Variants in ANKRD44 observed in about 807,000 individuals in gnomAD.
The protein encoded by ANKRD44 is ankyrin repeat domain 44, also known as serine/threonine-protein phosphatase 6 regulatory ankyrin repeat subunit B.
ANKRD44 carries 35 observed loss-of-function variants against 116.0 expected under a neutral mutation model. The observed-to-expected ratio is 0.30, with a 90% confidence interval of 0.23 to 0.40. The LOEUF (loss-of-function observed/expected upper bound fraction) is 0.40, where lower values mean the gene tolerates loss of function less well. ANKRD44 is among the 10% of genes least tolerant of loss of function. The pLI is 1.00. For missense variants in ANKRD44, 1,014 were observed against 1,242.6 expected, an observed-to-expected ratio of 0.82 and a Z score of 2.77; for synonymous variants, 435 against 461.8, an observed-to-expected ratio of 0.94 and a Z score of 0.74.
intron 16 of ANKRD44, among the ~76,000 whole-genome samples, chr2:197,063,463 G>C (rs1207484969): frequency 6.6e-6 from 1 of 152,226 alleles, no homozygotes; most frequent in African/African-American, 2.4e-5. Context: ...GAACGACTTT[G>C]ACGAGTTGAG....
chr2:197,208,706 A>G (rs957932046), intron 1 of ANKRD44, among the ~76,000 whole-genome samples: 1 of 152,146 alleles, frequency 6.6e-6, no homozygotes, highest in African/African-American at 2.4e-5. Context: ...AGGCTGAGGC[A>G]GGAGAATGGT....
intron 3 of ANKRD44, among the ~76,000 whole-genome samples, chr2:197,145,292 A>AAAT (rs2079470468): frequency 6.7e-6 from 1 of 148,932 alleles, no homozygotes; most frequent in Non-Finnish European, 1.5e-5. Flanking sequence ...CTCCGTCTCA[A>AAAT]AAATAAATAA....
intron 16 of ANKRD44, among the ~76,000 whole-genome samples, chr2:197,068,378 A>AT (rs2077482031): frequency 2.3e-5 from 1 of 44,220 alleles, no homozygotes; most frequent in Non-Finnish European, 1.0e-4. Flanking sequence ...AATAAAAAAA[A>AT]GAAAAAAATA....
At chr2:197,125,165 C>T (rs963490685) in intron 6 of ANKRD44, among the ~76,000 whole-genome samples, 2 of 152,252 alleles carry the variant, frequency 1.3e-5, no homozygotes, top group Non-Finnish European at 2.9e-5. Context: ...ATGATTCATT[C>T]CTCCTCTTCT....
chr2:196,998,282 TA>T, intron 25 of ANKRD44, 54 bp downstream of exon 25: 2 of 1,305,900 alleles, frequency 1.5e-6, no homozygotes, highest in Non-Finnish European at 2.2e-6. Context: ...TCAGTGTTAT[TA>T]TTACTGTTAT....
At chr2:197,234,381 G>C (rs2081934613) in intron 1 of ANKRD44, among the ~76,000 whole-genome samples, 1 of 152,046 alleles carries the variant, frequency 6.6e-6, no homozygotes, top group African/African-American at 2.4e-5. Flanking sequence ...TTGTAGAGAT[G>C]AGGTTTTGCC....
Position 196,998,949 on chromosome 2 carries a change from C to A in ANKRD44, c.2623G>T (p.Ala875Ser). The A allele has an allele frequency of 1.2e-6, 2 of 1,614,226 alleles. No individual in the cohort carries two copies. Among genetic ancestry groups the A allele is most frequent in the Non-Finnish European group, 1.7e-6 (2 of 1,180,030 alleles). The change falls in exon 24 of 28, where the codon GCA becomes TCA. Residue 875 changes from alanine (A) to serine (S), a missense_variant. Ala to Ser is a moderately conservative substitution (Grantham distance 99). Coordinates refer to ENST00000282272, the MANE Select transcript of ANKRD44 (RefSeq NM_001195144.2). ...CCATTCTCAGCAGCCATCATCAGTGCTGTTTTCCCTGAATTATCTACTGCG... is the reference window on the plus strand; with the variant it reads ...CCATTCTCAGCAGCCATCATCAGTGATGTTTTCCCTGAATTATCTACTGCG... Reference protein sequence around the residue: ...VNAVDNSGKTALMMAAENGQA... With the variant: ...VNAVDNSGKTSLMMAAENGQA...
Position 196,988,618 on chromosome 2 carries a change from A to G in ANKRD44, c.*973T>C, listed in dbSNP as rs77773923. 9.1e-4 allele frequency: 893 copies of G among 984,910 alleles called. 7 individuals are homozygous for G. The East Asian group carries it at 0.036, about 40-fold the overall frequency. 61.0% of individuals were successfully genotyped at this position (984,910 alleles called of 1,614,324 possible). ...ATACAGTTATCTGTCTTTGATCCAGATATGATAGAACATTATTTTTGAAAT... is the reference window on the plus strand; with the variant it reads ...ATACAGTTATCTGTCTTTGATCCAGGTATGATAGAACATTATTTTTGAAAT... On this transcript the variant is annotated 3_prime_UTR_variant, in exon 28 of 28. Transcript: ENST00000282272.
intron 2 of ANKRD44, among the ~76,000 whole-genome samples, chr2:197,149,027 A>G (rs996696240): frequency 3.9e-5 from 6 of 152,186 alleles, no homozygotes; most frequent in Non-Finnish European, 7.3e-5. Context: ...GATTTTCACA[A>G]ATGTTTTCTA....
intron 24 of ANKRD44, 76 bp downstream of exon 24, chr2:196,998,830 AC>A: frequency 6.4e-7 from 1 of 1,573,198 alleles, no homozygotes; most frequent in South Asian, 1.2e-5. Context: ...TACTATGAGA[AC>A]AACTGATTTC....
chr2:197,067,357 C>T (rs1027424163), intron 16 of ANKRD44, among the ~76,000 whole-genome samples: 8 of 152,206 alleles, frequency 5.3e-5, no homozygotes, highest in African/African-American at 1.9e-4. Flanking sequence ...CAATGCCATT[C>T]AGGACATAGG....
At chr2:197,282,738 C>A (rs551396356) in intron 1 of ANKRD44, among the ~76,000 whole-genome samples, 1 of 152,284 alleles carries the variant, frequency 6.6e-6, no homozygotes, top group East Asian at 1.9e-4. Context: ...ACGAGCAGAT[C>A]ACCTGAGGCC....
At chr2:197,255,437 C>T (rs902499188) in intron 1 of ANKRD44, among the ~76,000 whole-genome samples, 7 of 152,226 alleles carry the variant, frequency 4.6e-5, no homozygotes, top group African/African-American at 1.7e-4. Context: ...GCTGTGGGCA[C>T]ACCCCAACTC....
chr2:197,186,285 T>A (rs1353467410), intron 2 of ANKRD44, among the ~76,000 whole-genome samples: 8 of 152,130 alleles, frequency 5.3e-5, no homozygotes, highest in Admixed American at 5.2e-4. Context: ...TTCCTTCCAC[T>A]ATGAATGTAG....
At chr2:197,047,530 T>C (rs575416411) in intron 16 of ANKRD44, among the ~76,000 whole-genome samples, 13 of 152,202 alleles carry the variant, frequency 8.5e-5, no homozygotes, top group Non-Finnish European at 1.5e-4. Flanking sequence ...AGTGCCACAA[T>C]GTCTTACTAA....
At chr2:197,050,643 G>C (rs1413922579) in intron 16 of ANKRD44, among the ~76,000 whole-genome samples, 1 of 151,976 alleles carries the variant, frequency 6.6e-6, no homozygotes, top group Non-Finnish European at 1.5e-5. Context: ...GGCTGGTCTT[G>C]AACTCCTGAC....
intron 1 of ANKRD44, among the ~76,000 whole-genome samples, chr2:197,254,363 A>C (rs997888961): frequency 7.9e-5 from 12 of 152,106 alleles, no homozygotes; most frequent in Non-Finnish European, 1.0e-4. Flanking sequence ...CAGCCTGAGC[A>C]ATAGAGCAAG....
intron 1 of ANKRD44, among the ~76,000 whole-genome samples, chr2:197,268,068 G>A (rs1346150316): frequency 1.3e-5 from 2 of 152,196 alleles, no homozygotes; most frequent in Non-Finnish European, 2.9e-5. Flanking sequence ...GAGGAACTCA[G>A]CACAGGTTTT....
At chr2:197,309,493 G>C (rs138023671) in intron 1 of ANKRD44, among the ~76,000 whole-genome samples, 1 of 152,326 alleles carries the variant, frequency 6.6e-6, no homozygotes, top group East Asian at 1.9e-4. Context: ...CACTTCAGTT[G>C]CAAGATGTTC....
Sources: gnomAD v4.1 joint callset for allele counts (sites outside exome capture counted in the v4.1 genomes callset) on GRCh38, gnomAD v4.1.1 for gene constraint, MANE v1.5 for transcripts, NCBI Gene and HGNC (gene_info 2026-07-23, HGNC 2026-07-21) for gene names.